HHLA1: variants seen among roughly 807,000 people sequenced by gnomAD.
HHLA1 encodes HERV-H LTR-associating protein 1.
HHLA1 carries 72 observed loss-of-function variants against 69.9 expected under a neutral mutation model. That is an observed-to-expected ratio of 1.03 (90% confidence interval 0.85 to 1.25). The LOEUF (loss-of-function observed/expected upper bound fraction) is 1.25. HHLA1 is among the 50% of genes most tolerant of loss of function. The pLI is 0.00. For synonymous variants in HHLA1, 252 were observed against 233.2 expected, an observed-to-expected ratio of 1.08 and a Z score of -0.73; for missense variants, 685 against 642.2, an observed-to-expected ratio of 1.07 and a Z score of -0.72.
chr8:132,087,757 A>G lies in HHLA1; in HGVS notation c.590-18T>C. Reference sequence around the variant, plus strand: ...ATTCCTTCCTGCAAAAATCACACCAACAGGGTCAGATCTTGGGTTTCATCT... The same window carrying G: ...ATTCCTTCCTGCAAAAATCACACCAGCAGGGTCAGATCTTGGGTTTCATCT... On this transcript the variant is annotated intron_variant, in intron 9 of 16. Coordinates refer to ENST00000414222, the MANE Select transcript of HHLA1 (RefSeq NM_001145095.3). 2 of 1,547,314 alleles carry G rather than the reference A, an allele frequency of 1.3e-6. No individual in the cohort carries two copies. The highest frequency in any genetic ancestry group is 1.7e-6 in the Non-Finnish European group (2 of 1,142,964).
intron 14 of HHLA1, 92 bp from the exon 15 acceptor site, chr8:132,071,585 G>T (rs907898985): frequency 7.5e-6 from 9 of 1,200,616 alleles, no homozygotes; most frequent in Non-Finnish European, 1.1e-5. Flanking sequence ...ATATAGTCTT[G>T]TCCTGATCTC....
chr8:132,070,366 G>A (rs984221081), intron 15 of HHLA1: 1 of 701,734 alleles, frequency 1.4e-6, no homozygotes. Context: ...TGATTGGTAG[G>A]GATTTATGAA....
intron 10 of HHLA1, among the ~76,000 whole-genome samples, chr8:132,087,295 G>C (rs1015516354): frequency 7.9e-5 from 12 of 152,102 alleles, no homozygotes; most frequent in Admixed American, 2.0e-4. Flanking sequence ...CCAGCATGGG[G>C]TCACAAATTC....
chr8:132,074,295 TA>T (rs1823598005), intron 14 of HHLA1, among the ~76,000 whole-genome samples: 1 of 152,128 alleles, frequency 6.6e-6, no homozygotes, highest in Non-Finnish European at 1.5e-5. Flanking sequence ...CTGCTTCTCT[TA>T]AGAATCTAGT....
chr8:132,107,678 C>T (rs192649613), intron 1 of HHLA1, among the ~76,000 whole-genome samples: 38 of 152,296 alleles, frequency 2.5e-4, no homozygotes, highest in Admixed American at 1.7e-3. Context: ...TTTACTTCTC[C>T]CTGGTTTTTT....
At chr8:132,065,637 G>A (rs1484455771) in intron 16 of HHLA1, among the ~76,000 whole-genome samples, 1 of 152,196 alleles carries the variant, frequency 6.6e-6, no homozygotes, top group Non-Finnish European at 1.5e-5. Context: ...ATTTGCCTGA[G>A]TTCACGCAGA....
chr8:132,097,899 A>G (rs896116449), intron 5 of HHLA1, among the ~76,000 whole-genome samples: 1 of 152,238 alleles, frequency 6.6e-6, no homozygotes, highest in Non-Finnish European at 1.5e-5. Flanking sequence ...GTATTGCACA[A>G]TCCTAGGGAA....
Position 132,095,757 on chromosome 8 carries a change from C to T in HHLA1, c.310G>A (p.Val104Ile), listed in dbSNP as rs1253622708. 6 of 1,551,226 alleles carry T rather than the reference C, an allele frequency of 3.9e-6. No homozygotes were observed. Among genetic ancestry groups the T allele is most frequent in the Non-Finnish European group, 5.2e-6 (6 of 1,146,786 alleles). Residue 104 changes from valine (V) to isoleucine (I), a missense_variant, in exon 6 of 17, where the codon GTC becomes ATC. Transcript: ENST00000414222. ...DSKKFFSLLS[V>I]TSYSSFAFHK... ...AAGGCGAAGGAACTGTAGGAAGTGACACTCAGCAAGGAGAAGAACTTCTTG... is the reference window on the plus strand; with the variant it reads ...AAGGCGAAGGAACTGTAGGAAGTGATACTCAGCAAGGAGAAGAACTTCTTG...
At position 132,071,375 on chromosome 8, in the gene HHLA1, G is replaced by A; in HGVS notation, c.1434C>T (p.Cys478=). The change falls in exon 15 of 17, where the codon TGC becomes TGT. Residue 478 remains cysteine (C), a synonymous_variant. Coordinates refer to ENST00000414222, the MANE Select transcript of HHLA1 (RefSeq NM_001145095.3). ...CTGTCCTGGGACTCCTCTGGCTCATGCAGAGGCATTGCTGGAAGAATTGGC... is the reference window on the plus strand; with the variant it reads ...CTGTCCTGGGACTCCTCTGGCTCATACAGAGGCATTGCTGGAAGAATTGGC... ...ELCQFFQQCL[C]MSQRSPRTED... is the part of the protein sequence containing the mutation. 6.4e-7 allele frequency: 1 copy of A among 1,551,648 alleles called. No individual in the cohort carries two copies.
rs901649793 is a variant in HHLA1 at position 132,080,425 on chromosome 8, G to A, written c.677-459C>T. 37 of 303,506 alleles carry A rather than the reference G, an allele frequency of 1.2e-4. No homozygotes were observed. In the East Asian group the frequency reaches 2.2e-3, roughly 18 times the overall value. 18.8% of individuals were successfully genotyped at this position (303,506 alleles called of 1,614,324 possible). A position where few individuals can be genotyped will look rare whatever the true frequency, so the allele number is the denominator to read the frequency against. On this transcript the variant is annotated intron_variant, in intron 10 of 16. Coordinates refer to ENST00000414222, the MANE Select transcript of HHLA1 (RefSeq NM_001145095.3). ...AGTCAAAGGGGGTTTGTTCTCTGGCGGGCAGGAGTGGGGGTCTCAAGGTGC... is the reference window on the plus strand; with the variant it reads ...AGTCAAAGGGGGTTTGTTCTCTGGCAGGCAGGAGTGGGGGTCTCAAGGTGC...
rs113967100 is a variant in HHLA1, at chr8:132,102,687, G to A, written c.139+1421C>T. Among the ~76,000 whole-genome samples the A allele has an allele frequency of 3.7e-3, 569 of 152,236 alleles. 5 individuals carry two copies. The highest frequency in any genetic ancestry group is 0.013 in the African/African-American group (549 of 41,532). ...TGAGGGACCAGGATTATGTCAGTTC[G>A]GGGTCTCCAGGCAGCAGGGATGACC... is the stretch of plus-strand genomic sequence containing the variant. On this transcript the variant is annotated intron_variant, in intron 3 of 16. Transcript: ENST00000414222.
chr8:132,091,213 G>A (rs1173530528), intron 7 of HHLA1, among the ~76,000 whole-genome samples: 1 of 152,226 alleles, frequency 6.6e-6, no homozygotes, highest in Non-Finnish European at 1.5e-5. Flanking sequence ...AGTTGTGTAA[G>A]ACATAAAGAA....
At chr8:132,072,496 T>G (rs57790650) in intron 14 of HHLA1, among the ~76,000 whole-genome samples, 1 of 152,106 alleles carries the variant, frequency 6.6e-6, no homozygotes, top group African/African-American at 2.4e-5. Flanking sequence ...TGACAGCCAC[T>G]AGAGCTACAA....
At chr8:132,065,858 T>C (rs746106441) in intron 16 of HHLA1, 28 bp downstream of exon 16, 3 of 1,175,642 alleles carry the variant, frequency 2.6e-6, no homozygotes, top group South Asian at 1.3e-5. Context: ...CACTGCAAAG[T>C]TACAACATAG....
At chr8:132,070,264 T>C (rs1823510875) in intron 15 of HHLA1, 1 of 698,526 alleles carries the variant, frequency 1.4e-6, no homozygotes. Context: ...ATGTCAGCAT[T>C]GTAGGACAGA....
chr8:132,079,410 G>C (rs1024332462), intron 11 of HHLA1, among the ~76,000 whole-genome samples: 5 of 152,212 alleles, frequency 3.3e-5, no homozygotes, highest in East Asian at 1.9e-4. Flanking sequence ...ATTGAAGGAG[G>C]CTGGGTGAAG....
intron 4 of HHLA1, among the ~76,000 whole-genome samples, chr8:132,099,201 A>C (rs1470665738): frequency 6.6e-6 from 1 of 152,186 alleles, no homozygotes; most frequent in Non-Finnish European, 1.5e-5. Flanking sequence ...AGGAAACATG[A>C]ACTTTTAGTG....
At chr8:132,092,239 A>G (rs374905226) in intron 7 of HHLA1, among the ~76,000 whole-genome samples, 1 of 152,318 alleles carries the variant, frequency 6.6e-6, no homozygotes, top group East Asian at 1.9e-4. Flanking sequence ...TGGGAACGTG[A>G]TGGTTTAAAG....
intron 16 of HHLA1, among the ~76,000 whole-genome samples, chr8:132,064,872 T>C (rs1823408287): frequency 6.6e-6 from 1 of 152,228 alleles, no homozygotes; most frequent in African/African-American, 2.4e-5. Context: ...CCAGCTGGTA[T>C]TCTTCAGGAC....
Sources: allele counts gnomAD v4.1 joint callset (sites outside exome capture counted in the v4.1 genomes callset), GRCh38; gene constraint gnomAD v4.1.1; transcripts MANE v1.5; gene names NCBI Gene and HGNC (gene_info 2026-07-23, HGNC 2026-07-21).